ROBO2: variants seen among roughly 807,000 people sequenced by gnomAD.
The protein encoded by ROBO2 is roundabout homolog 2.
Under a neutral mutation model 160.8 loss-of-function variants are expected in ROBO2, and 53 were observed. That is an observed-to-expected ratio of 0.33 (90% CI 0.26 to 0.41). ROBO2 has a LOEUF of 0.41. ROBO2 is among the 10% of genes least tolerant of loss of function. The pLI is 1.00. For missense variants in ROBO2, 1,577 were observed against 1,722.4 expected, an observed-to-expected ratio of 0.92 and a Z score of 1.49; for synonymous variants, 664 against 611.7, an observed-to-expected ratio of 1.09 and a Z score of -1.26.
At chr3:77,460,627 A>AC (rs1553966624) in intron 2 of ROBO2, among the ~76,000 whole-genome samples, 1 of 152,198 alleles carries the variant, frequency 6.6e-6, no homozygotes, top group East Asian at 1.9e-4. Flanking sequence ...AAGGTAAAAA[A>AC]CACACATTTA....
chr3:76,368,957 G>T (rs1202936414), intron 2 of ROBO2, among the ~76,000 whole-genome samples: 1 of 151,854 alleles, frequency 6.6e-6, no homozygotes, highest in African/African-American at 2.4e-5. Context: ...TAGTCTACTT[G>T]TGAACAAAAA....
At chr3:77,223,164 G>A (rs62253270) in intron 2 of ROBO2, among the ~76,000 whole-genome samples, 4,432 of 152,238 alleles carry the variant, frequency 0.029, 72 homozygotes, top group Middle Eastern at 0.054. Flanking sequence ...TTTTAGTTAT[G>A]AAGAATGACT....
In ROBO2 at chr3:77,373,533, G is replaced by A. The variant is rs547425744; in HGVS notation, c.389-103881G>A. On this transcript the variant is annotated intron_variant, in intron 2 of 25. Coordinates refer to ENST00000461745, the Ensembl canonical transcript of ROBO2. ...TATTTCCATGGTAGGTCTTCCTAGA[G>A]TATAAAGAAATCAAGTTTCTCAAAA... Among the ~76,000 whole-genome samples, 249 of 152,056 alleles carry A rather than the reference G, an allele frequency of 1.6e-3. 1 individual carries two copies. Among genetic ancestry groups the A allele is most frequent in the African/African-American group, 5.8e-3 (241 of 41,462 alleles).
chr3:77,440,826 C>T (rs1167593313), intron 2 of ROBO2, among the ~76,000 whole-genome samples: 1 of 151,878 alleles, frequency 6.6e-6, no homozygotes, highest in Non-Finnish European at 1.5e-5. Flanking sequence ...GAGAATTGAC[C>T]TGGTTGTGGA....
intron 1 of ROBO2, among the ~76,000 whole-genome samples, chr3:75,934,271 C>G (rs1437701472): frequency 6.6e-6 from 1 of 152,120 alleles, no homozygotes; most frequent in African/African-American, 2.4e-5. Context: ...GCTCAACTAT[C>G]CAGGCTTTAG....
chr3:77,216,057 T>C (rs1407015021), intron 2 of ROBO2, among the ~76,000 whole-genome samples: 1 of 152,142 alleles, frequency 6.6e-6, no homozygotes, highest in African/African-American at 2.4e-5. Flanking sequence ...AGTCTATCTG[T>C]TCTCAGATCT....
At chr3:75,923,071 C>A (rs1176745002) in intron 1 of ROBO2, among the ~76,000 whole-genome samples, 2 of 152,182 alleles carry the variant, frequency 1.3e-5, no homozygotes, top group African/African-American at 2.4e-5. Context: ...GGCCTAGATG[C>A]CTATCAGAAA....
chr3:76,044,571 A>G (rs1559862672), intron 2 of ROBO2, among the ~76,000 whole-genome samples: 3 of 149,044 alleles, frequency 2.0e-5, no homozygotes, highest in Non-Finnish European at 4.4e-5. Context: ...TCATTCATTC[A>G]TTCATTCAAC....
intron 2 of ROBO2, among the ~76,000 whole-genome samples, chr3:76,992,993 T>C (rs2060779549): frequency 6.6e-6 from 1 of 151,844 alleles, no homozygotes; most frequent in South Asian, 2.1e-4. Context: ...AATTTTTGTG[T>C]TTTTAGTAGA....
At position 76,197,739 on chromosome 3, in the gene ROBO2, C is replaced by T. The variant is rs143268060; in HGVS notation, c.109+260137C>T. On this transcript the variant is annotated intron_variant, in intron 2 of 26. Transcript: ENST00000487694. ...TAGAGGATTCATGAAGTTAACTGGC[C>T]GAAGTCATGTAGTAAGTGAATGGCC... is the stretch of plus-strand genomic sequence containing the variant. Among the ~76,000 whole-genome samples the T allele has an allele frequency of 4.0e-3, 609 of 152,104 alleles. 5 individuals carry two copies. Among genetic ancestry groups the T allele is most frequent in the African/African-American group, 0.013 (527 of 41,498 alleles).
chr3:76,638,146 A>C (rs2090440913), intron 2 of ROBO2, among the ~76,000 whole-genome samples: 1 of 152,182 alleles, frequency 6.6e-6, no homozygotes, highest in African/African-American at 2.4e-5. Context: ...TCCTGCCTAA[A>C]TAACCATCTG....
intron 2 of ROBO2, among the ~76,000 whole-genome samples, chr3:76,512,166 T>C (rs999597590): frequency 5.9e-5 from 9 of 151,986 alleles, no homozygotes; most frequent in African/African-American, 1.7e-4. Context: ...TTTAAAAGCC[T>C]TCCTGAAAAA....
chr3:76,340,592 G>T (rs563481715), intron 2 of ROBO2, among the ~76,000 whole-genome samples: 38 of 152,040 alleles, frequency 2.5e-4, no homozygotes, highest in South Asian at 6.2e-4. Flanking sequence ...TTTAACTTTT[G>T]CAGAAATCAC....
chr3:77,473,951 C>G (rs1251167486), intron 2 of ROBO2, among the ~76,000 whole-genome samples: 1 of 152,160 alleles, frequency 6.6e-6, no homozygotes, highest in Admixed American at 6.5e-5. Context: ...TCTCAATCCT[C>G]TGTGTCTCTT....
intron 2 of ROBO2, among the ~76,000 whole-genome samples, chr3:77,004,490 C>G (rs549637550): frequency 6.6e-6 from 1 of 152,276 alleles, no homozygotes; most frequent in East Asian, 1.9e-4. Context: ...AAGAGAAACC[C>G]TGTTAGGTCA....
chr3:76,348,446 C>A (rs2074668906), intron 2 of ROBO2, among the ~76,000 whole-genome samples: 1 of 152,064 alleles, frequency 6.6e-6, no homozygotes, highest in African/African-American at 2.4e-5. Context: ...ATTGGCATGA[C>A]CTCAGCGTCG....
chr3:76,684,335 C>A (rs2092639285), intron 2 of ROBO2, among the ~76,000 whole-genome samples: 1 of 151,990 alleles, frequency 6.6e-6, no homozygotes, highest in Admixed American at 6.6e-5. Flanking sequence ...GGGCTTTTGA[C>A]AAGAAAACAG....
chr3:76,451,841 C>T (rs1468261399), intron 2 of ROBO2, among the ~76,000 whole-genome samples: 2 of 152,210 alleles, frequency 1.3e-5, no homozygotes, highest in African/African-American at 4.8e-5. Context: ...GCTTAACAAA[C>T]TGGAAAAAGC....
rs553022416 is a variant in ROBO2 at position 77,499,020 on chromosome 3, A to AT, written c.806+5644dup. ...GAAAAAGTGTAAATGAAAAATCTTT[A>AT]TTTTTTATGCTATACAGATGTCTTA... On this transcript the variant is annotated intron_variant, in intron 5 of 25. Coordinates refer to ENST00000461745, the Ensembl canonical transcript of ROBO2. Among the ~76,000 whole-genome samples, 291 of 152,334 alleles carry AT rather than the reference A, an allele frequency of 1.9e-3. 1 individual carries two copies. Among genetic ancestry groups the AT allele is most frequent in the African/African-American group, 6.8e-3 (284 of 41,576 alleles).
Sources: gnomAD v4.1 joint callset for allele counts (sites outside exome capture counted in the v4.1 genomes callset) on GRCh38, gnomAD v4.1.1 for gene constraint, MANE v1.5 for transcripts, NCBI Gene and HGNC (gene_info 2026-07-23, HGNC 2026-07-21) for gene names.